The following SYN3 variants were observed in gnomAD, a reference collection of about 807,000 sequenced individuals.
SYN3 encodes synapsin-3.
In SYN3, 35 loss-of-function variants were observed where a neutral mutation model predicts 65.8. The ratio of observed to expected loss-of-function variants is 0.53; its 90% confidence interval spans 0.41 to 0.70. The LOEUF is 0.70. Among genes scored for constraint, SYN3 ranks in the 30% least tolerant of loss-of-function variants. SYN3 has a pLI of 0.00. For synonymous variants in SYN3, 270 were observed against 292.9 expected (o/e 0.92, Z 0.80); for missense variants, 680 against 749.0 (o/e 0.91, Z 1.08).
intron 2 of SYN3, among the ~76,000 whole-genome samples, chr22:33,000,271 A>G (rs1288947878): frequency 6.6e-6 from 1 of 152,158 alleles, no homozygotes; most frequent in Non-Finnish European, 1.5e-5. Flanking sequence ...GTTCAGACCT[A>G]TCCGGAGCCA....
intron 6 of SYN3, among the ~76,000 whole-genome samples, chr22:32,710,702 C>G (rs537483816): frequency 5.6e-4 from 85 of 151,596 alleles, no homozygotes; most frequent in African/African-American, 1.9e-3. Flanking sequence ...CTTCCTTCTG[C>G]TCTGGCCATG....
intron 6 of SYN3, among the ~76,000 whole-genome samples, chr22:32,804,600 G>A (rs1176632164): frequency 1.3e-5 from 2 of 152,180 alleles, no homozygotes; most frequent in East Asian, 1.9e-4. Context: ...TCTCCGGGGG[G>A]CTGCCCGATG....
At chr22:32,851,389 A>G (rs1421576536) in intron 6 of SYN3, among the ~76,000 whole-genome samples, 1 of 152,140 alleles carries the variant, frequency 6.6e-6, no homozygotes, top group East Asian at 1.9e-4. Context: ...TCCTGTGGAC[A>G]TAATGTCCCA....
At chr22:32,971,394 A>G (rs904884168) in intron 3 of SYN3, among the ~76,000 whole-genome samples, 6 of 152,220 alleles carry the variant, frequency 3.9e-5, no homozygotes, top group Non-Finnish European at 8.8e-5. Context: ...ATCTGAGGTC[A>G]GGGTAAGCCA....
At chr22:32,710,438 C>G (rs1216607282) in intron 6 of SYN3, among the ~76,000 whole-genome samples, 1 of 151,510 alleles carries the variant, frequency 6.6e-6, no homozygotes, top group African/African-American at 2.4e-5. Flanking sequence ...CGAGACCAGC[C>G]TGGCCAACAT....
At chr22:32,901,191 T>C (rs1478706901) in intron 4 of SYN3, among the ~76,000 whole-genome samples, 1 of 152,208 alleles carries the variant, frequency 6.6e-6, no homozygotes, top group Non-Finnish European at 1.5e-5. Flanking sequence ...TAATACACAG[T>C]TGCGTGTGAC....
chr22:32,906,263 AG>A (rs141681753), intron 4 of SYN3, among the ~76,000 whole-genome samples: 1,607 of 152,256 alleles, frequency 0.011, 6 homozygotes, highest in Middle Eastern at 0.02. Context: ...ATGTTGAAAA[AG>A]GGGATTCTTG....
chr22:32,554,622 T>C (rs888884336), intron 7 of SYN3, among the ~76,000 whole-genome samples: 18 of 152,140 alleles, frequency 1.2e-4, no homozygotes, highest in Non-Finnish European at 1.9e-4. Flanking sequence ...TACCCCTGCT[T>C]TCTTTAAAAT....
rs749005925 is a variant in SYN3 at position 32,528,905 on chromosome 22, C to T, written c.1199G>A (p.Gly400Glu). The change falls in exon 11 of 14, where the codon GGA becomes GAA. Residue 400 changes from glycine (G) to glutamate (E), a missense_variant. Gly to Glu is a moderately conservative substitution (Grantham distance 98, BLOSUM62 -2). Transcript: ENST00000358763. Reference protein sequence around the residue: ...VSKMSQLPMPGGTAPSPLRPW... With the variant: ...VSKMSQLPMPEGTAPSPLRPW... ...TCTGAGGGGGGAGGGCGCTGTGCCTCCTGGCATCGGGAGCTGGCTCATTTT... is the reference window on the plus strand; with the variant it reads ...TCTGAGGGGGGAGGGCGCTGTGCCTTCTGGCATCGGGAGCTGGCTCATTTT... 3.7e-6 allele frequency: 6 copies of T among 1,614,042 alleles called. No individual in the cohort carries two copies. The highest frequency in any genetic ancestry group is 5.1e-6 in the Non-Finnish European group (6 of 1,180,052).
intron 6 of SYN3, among the ~76,000 whole-genome samples, chr22:32,642,759 A>G (rs1230051549): frequency 6.6e-6 from 1 of 151,702 alleles, no homozygotes; most frequent in Non-Finnish European, 1.5e-5. Flanking sequence ...GGGTCTCACT[A>G]TGTTGCCCAG....
chr22:32,915,421 GC>G (rs1404808048), intron 4 of SYN3, among the ~76,000 whole-genome samples: 1 of 152,210 alleles, frequency 6.6e-6, no homozygotes, highest in Non-Finnish European at 1.5e-5. Flanking sequence ...GAACATATAA[GC>G]AAGCATAGCA....
intron 3 of SYN3, among the ~76,000 whole-genome samples, chr22:32,948,389 C>G (rs116696939): frequency 6.6e-6 from 1 of 152,094 alleles, no homozygotes; most frequent in African/African-American, 2.4e-5. Flanking sequence ...GCAGCACATT[C>G]GAAGTTCCAG....
intron 1 of SYN3, among the ~76,000 whole-genome samples, chr22:33,056,565 T>C (rs1041248948): frequency 1.3e-5 from 2 of 152,238 alleles, no homozygotes; most frequent in African/African-American, 4.8e-5. Context: ...CTTTGTCTCA[T>C]GGGAGGGATT....
At chr22:32,813,561 G>C (rs1458537624) in intron 6 of SYN3, among the ~76,000 whole-genome samples, 33 of 151,438 alleles carry the variant, frequency 2.2e-4, no homozygotes, top group Admixed American at 2.2e-3. Flanking sequence ...ACATGTCCAT[G>C]GGCCAGATTC....
At chr22:32,659,889 G>T (rs1357413190) in intron 6 of SYN3, among the ~76,000 whole-genome samples, 1 of 152,164 alleles carries the variant, frequency 6.6e-6, no homozygotes, top group African/African-American at 2.4e-5. Flanking sequence ...GAGGAAGGAG[G>T]CTGTACTAGA....
intron 6 of SYN3, chr22:32,861,684 G>A (rs2048542252): frequency 6.5e-6 from 1 of 152,672 alleles, no homozygotes; most frequent in African/African-American, 2.4e-5. Flanking sequence ...ATCCCCATCT[G>A]TTAGGCCTTG....
chr22:32,561,417 C>T (rs1321016691), intron 7 of SYN3, among the ~76,000 whole-genome samples: 1 of 152,150 alleles, frequency 6.6e-6, no homozygotes, highest in Non-Finnish European at 1.5e-5. Context: ...CCCAAACCTG[C>T]TTGGCTTGCC....
intron 6 of SYN3, among the ~76,000 whole-genome samples, chr22:32,649,409 C>T (rs131068): frequency 0.61 from 92,933 of 152,054 alleles, 29,239 homozygotes; most frequent in East Asian, 0.95. Flanking sequence ...TAGTATGTAC[C>T]GAGTACAGGC....
chr22:33,004,955 G>A (rs1490363654), intron 2 of SYN3, among the ~76,000 whole-genome samples: 4 of 152,078 alleles, frequency 2.6e-5, no homozygotes, highest in Non-Finnish European at 5.9e-5. Flanking sequence ...AATCCTGGGG[G>A]TGGTTACCCC....
Sources: gnomAD v4.1 joint callset for allele counts (sites outside exome capture counted in the v4.1 genomes callset) on GRCh38, gnomAD v4.1.1 for gene constraint, MANE v1.5 for transcripts, NCBI Gene and HGNC (gene_info 2026-07-23, HGNC 2026-07-21) for gene names.